Variants in CACNA1E observed in about 807,000 individuals in gnomAD.
CACNA1E encodes the protein voltage-dependent R-type calcium channel subunit alpha-1E.
A neutral mutation model predicts 259.2 loss-of-function variants in CACNA1E; 40 were observed. The ratio of observed to expected loss-of-function variants is 0.15; its 90% CI spans 0.12 to 0.20. The LOEUF is 0.20. Among genes scored for constraint, CACNA1E ranks in the 10% least tolerant of loss-of-function variants. The pLI is 1.00. For synonymous variants in CACNA1E, 1,104 were observed against 1,138.5 expected, an observed-to-expected ratio of 0.97 and a Z score of 0.61; for missense variants, 1,874 against 3,040.1, an observed-to-expected ratio of 0.62 and a Z score of 9.02.
intron 18 of CACNA1E, among the ~76,000 whole-genome samples, chr1:181,730,809 C>T (rs1655401013): frequency 6.6e-6 from 1 of 152,234 alleles, no homozygotes; most frequent in African/African-American, 2.4e-5. Context: ...GGGAAGAAAA[C>T]TACTCAGCAA....
intron 1 of CACNA1E, among the ~76,000 whole-genome samples, chr1:181,502,403 G>T (rs1420883768): frequency 6.6e-6 from 1 of 152,198 alleles, no homozygotes; most frequent in Admixed American, 6.5e-5. Context: ...TTTCTGGGCT[G>T]GTCTCTTTTG....
chr1:181,727,608 G>A (rs1655030567), intron 18 of CACNA1E, among the ~76,000 whole-genome samples: 1 of 152,184 alleles, frequency 6.6e-6, no homozygotes, highest in Non-Finnish European at 1.5e-5. Flanking sequence ...GTCGGCCTGG[G>A]CCCTGCGTGG....
chr1:181,372,540 C>T (rs1654776092), intron 1 of CACNA1E, among the ~76,000 whole-genome samples: 1 of 152,108 alleles, frequency 6.6e-6, no homozygotes, highest in Admixed American at 6.5e-5. Context: ...ATATCGTCTG[C>T]AAAGAGAGAT....
At chr1:181,330,678 A>G (rs1482361410) in intron 1 of CACNA1E, among the ~76,000 whole-genome samples, 2 of 152,200 alleles carry the variant, frequency 1.3e-5, no homozygotes, top group Non-Finnish European at 2.9e-5. Context: ...GGTGAGTCCA[A>G]CGTAGTGTCA....
At chr1:181,707,115 A>T (rs2102405921) in intron 7 of CACNA1E, among the ~76,000 whole-genome samples, 1 of 152,314 alleles carries the variant, frequency 6.6e-6, no homozygotes, top group African/African-American at 2.4e-5. Context: ...GCGAGGGCAG[A>T]GGGGCTGTAA....
chr1:181,405,789 T>G (rs1422401674), intron 1 of CACNA1E, among the ~76,000 whole-genome samples: 1 of 152,192 alleles, frequency 6.6e-6, no homozygotes, highest in East Asian at 1.9e-4. Context: ...ATACACCACT[T>G]CTAGGCCTTG....
intron 3 of CACNA1E, among the ~76,000 whole-genome samples, chr1:181,549,275 G>A (rs1647862094): frequency 6.6e-6 from 1 of 152,166 alleles, no homozygotes; most frequent in Non-Finnish European, 1.5e-5. Flanking sequence ...ACACAACCAG[G>A]TTGTCAAAAG....
chr1:181,514,493 C>A (rs544679949), intron 3 of CACNA1E, among the ~76,000 whole-genome samples: 62 of 152,222 alleles, frequency 4.1e-4, no homozygotes, highest in Middle Eastern at 3.4e-3. Flanking sequence ...GTGTTTTGAC[C>A]CCTGCCCTGT....
intron 38 of CACNA1E, among the ~76,000 whole-genome samples, chr1:181,781,198 A>G (rs908719991): frequency 6.6e-6 from 1 of 152,146 alleles, no homozygotes; most frequent in African/African-American, 2.4e-5. Flanking sequence ...GGATGGAGTC[A>G]TGTCTACGAT....
chr1:181,548,117 C>T (rs888531601), intron 3 of CACNA1E, among the ~76,000 whole-genome samples: 3 of 36,180 alleles, frequency 8.3e-5, no homozygotes, highest in African/African-American at 1.3e-4. Flanking sequence ...GTTCCCATAA[C>T]ACTTTTTTTT....
chr1:181,361,513 G>A (rs934058096), intron 1 of CACNA1E, among the ~76,000 whole-genome samples: 1 of 152,140 alleles, frequency 6.6e-6, no homozygotes, highest in Non-Finnish European at 1.5e-5. Flanking sequence ...ATTGTTAGAA[G>A]AAGATGGAGT....
At chr1:181,662,169 T>G (rs1180764433) in intron 7 of CACNA1E, among the ~76,000 whole-genome samples, 1 of 152,178 alleles carries the variant, frequency 6.6e-6, no homozygotes, top group Non-Finnish European at 1.5e-5. Context: ...GCTGAGAGAA[T>G]CTGCATTTCC....
At chr1:181,535,860 T>C (rs925963505) in intron 3 of CACNA1E, among the ~76,000 whole-genome samples, 3 of 152,104 alleles carry the variant, frequency 2.0e-5, no homozygotes, top group Admixed American at 6.5e-5. Flanking sequence ...CTAATTTTTG[T>C]ATTTTTAGTA....
chr1:181,531,326 C>T (rs1227878968), intron 3 of CACNA1E, among the ~76,000 whole-genome samples: 1 of 152,188 alleles, frequency 6.6e-6, no homozygotes, highest in Non-Finnish European at 1.5e-5. Context: ...CCTCTGTGCC[C>T]ACTTAGCACT....
intron 6 of CACNA1E, among the ~76,000 whole-genome samples, chr1:181,644,917 C>A (rs190485834): frequency 6.6e-6 from 1 of 152,248 alleles, no homozygotes; most frequent in East Asian, 1.9e-4. Flanking sequence ...GAATAACATT[C>A]CAGGTGAAGC....
chr1:181,476,032 G>A (rs1216139645), intron 2 of CACNA1E, among the ~76,000 whole-genome samples: 2 of 152,086 alleles, frequency 1.3e-5, no homozygotes, highest in African/African-American at 2.4e-5. Flanking sequence ...AGAAGGAAAC[G>A]GTGAGAAACT....
intron 38 of CACNA1E, among the ~76,000 whole-genome samples, chr1:181,777,606 C>T (rs1660073366): frequency 6.6e-6 from 1 of 152,166 alleles, no homozygotes; most frequent in African/African-American, 2.4e-5. Context: ...AGAAGGCAGC[C>T]AGGCCTGCGT....
At chr1:181,741,392 G>T (rs1255227909) in intron 25 of CACNA1E, among the ~76,000 whole-genome samples, 3 of 152,164 alleles carry the variant, frequency 2.0e-5, no homozygotes, top group African/African-American at 7.2e-5. Flanking sequence ...TTAGGACGGG[G>T]CCTGATGTAG....
Position 181,798,929 on chromosome 1 carries a change from G to A in CACNA1E, c.*95G>A, listed in dbSNP as rs868536814. 1 of 1,140,138 alleles carries A rather than the reference G, an allele frequency of 8.8e-7. No individual in the cohort carries two copies. The allele number at this position is 1,140,138 out of a possible 1,614,324, so 70.6% of individuals were successfully genotyped here. On this transcript the variant is annotated 3_prime_UTR_variant, in exon 48 of 48. Coordinates refer to ENST00000367573, the MANE Select transcript of CACNA1E (RefSeq NM_001205293.3). This position sits in a 1 kb window ranked among gnomAD's most constrained non-coding sequence, Gnocchi z 4.2. ...GTGCGGCCCGGGGGGGAGGAAGAGG[G>A]AAAAGGAAGATGGAAGGACACCATG...
Sources: allele counts gnomAD v4.1 joint callset (sites outside exome capture counted in the v4.1 genomes callset), GRCh38; gene constraint gnomAD v4.1.1; non-coding constraint Gnocchi (gnomAD v3.1); transcripts MANE v1.5; gene names NCBI Gene and HGNC (gene_info 2026-07-23, HGNC 2026-07-21).